CENPT: variants seen among roughly 807,000 people sequenced by gnomAD.
CENPT encodes the protein centromere protein T, also known as interphase centromere complex protein 22.
In CENPT, 42 loss-of-function variants were observed where a neutral mutation model predicts 59.7. That is an observed-to-expected ratio of 0.70 (90% CI 0.55 to 0.91). The LOEUF is 0.91. Ranked by LOEUF, CENPT falls within the 40% of genes least tolerant of loss-of-function variation. CENPT has a pLI of 0.00. For missense variants in CENPT, 716 were observed against 713.4 expected (o/e 1.00, Z -0.04); for synonymous variants, 295 against 289.6 (o/e 1.02, Z -0.19).
At chr16:67,835,770 T>C (rs930257776) in intron 1 of CENPT, 112 bp from the exon 2 acceptor site, 4 of 152,240 alleles carry the variant, frequency 2.6e-5, no homozygotes, top group African/African-American at 9.6e-5. Context: ...ATCTGTGTTA[T>C]CTGACTCAAT....
In CENPT at chr16:67,829,506, C is replaced by T; in HGVS notation, c.1197G>A (p.Glu399=). 1 of 1,596,192 alleles carries T rather than the reference C, an allele frequency of 6.3e-7. No homozygotes were observed. Among genetic ancestry groups the T allele is most frequent in the East Asian group, 2.2e-5 (1 of 44,798 alleles). ...GAGACTCAGGGGTGCTGGAGGCCGA[C>T]TCTGGACTTGCTACAAAGAAGAAGG... is the stretch of plus-strand genomic sequence containing the variant. ...EDASGRAASP[E]SASSTPESLQ... The change falls in exon 13 of 16, where the codon GAG becomes GAA. Residue 399 remains glutamate (E), a synonymous_variant. Transcript: ENST00000562787.
At chr16:67,835,744 GTCATTTAGA>G (rs1457049571) in intron 1 of CENPT, 86 bp from the exon 2 acceptor site, 1 of 152,046 alleles carries the variant, frequency 6.6e-6, no homozygotes, top group Admixed American at 6.6e-5. Flanking sequence ...GATATTCCTT[GTCATTTAGA>G]TCTGATATCT....
rs1351648795 is a variant in CENPT, at chr16:67,841,022, T to C, written c.-491-5364A>G. 9.9e-4 allele frequency among the ~76,000 whole-genome samples: 132 copies of C among 133,838 alleles called. 4 individuals are homozygous for C. The highest frequency in any genetic ancestry group is 2.8e-3 in the African/African-American group (97 of 34,146). 87.8% of individuals were successfully genotyped at this position (133,838 alleles called of 152,430 possible). On this transcript the variant is annotated intron_variant, in intron 1 of 15. Coordinates refer to ENST00000562787, the MANE Select transcript of CENPT (RefSeq NM_025082.4). ...TAAATACAAAATACATATATATATA[T>C]ATATATATATATATATATATATATT...
chr16:67,829,131 C>T, intron 13 of CENPT: 1 of 517,180 alleles, frequency 1.9e-6, no homozygotes, highest in Non-Finnish European at 3.4e-6. Flanking sequence ...AATGGATAGT[C>T]TCTCTCCTTA....
intron 1 of CENPT, among the ~76,000 whole-genome samples, chr16:67,846,260 A>G (rs1229359266): frequency 6.6e-6 from 1 of 152,236 alleles, no homozygotes; most frequent in African/African-American, 2.4e-5. Flanking sequence ...CTGCAAAAAA[A>G]CCTTACAGAA....
At chr16:67,830,613 A>G (rs972025671) in intron 10 of CENPT, 65 bp from the exon 11 acceptor site, 2 of 1,545,130 alleles carry the variant, frequency 1.3e-6, no homozygotes, top group African/African-American at 2.7e-5. Context: ...GCTGGCTCTC[A>G]GCGTATTCCA....
intron 3 of CENPT, among the ~76,000 whole-genome samples, chr16:67,834,394 G>T (rs942047236): frequency 6.6e-6 from 1 of 152,182 alleles, no homozygotes; most frequent in Non-Finnish European, 1.5e-5. Flanking sequence ...GATAGCTTGA[G>T]CTCAGGAGTT....
chr16:67,840,271 T>G (rs191115685), intron 1 of CENPT, among the ~76,000 whole-genome samples: 1 of 152,122 alleles, frequency 6.6e-6, no homozygotes, highest in Non-Finnish European at 1.5e-5. Flanking sequence ...TGAGCTGAGA[T>G]CGCGCCACTG....
rs924282183 is a variant in CENPT, at chr16:67,841,100, C to A, written c.-491-5442G>T. 1.0e-4 allele frequency among the ~76,000 whole-genome samples: 13 copies of A among 128,416 alleles called. No homozygotes were observed. In the East Asian group the frequency reaches 2.6e-3, roughly 26 times the overall value. The allele number at this position is 128,416 out of a possible 152,430, so 84.2% of individuals were successfully genotyped here. A position where few individuals can be genotyped will look rare whatever the true frequency, so the allele number is the denominator to read the frequency against. On this transcript the variant is annotated intron_variant, in intron 1 of 15. Coordinates refer to ENST00000562787, the MANE Select transcript of CENPT (RefSeq NM_025082.4). ...GTCCCAGCTACTCCGGAGGCTGAGGCAGGAGAATTGCTTGAACCCAGGAGG... is the reference window on the plus strand; with the variant it reads ...GTCCCAGCTACTCCGGAGGCTGAGGAAGGAGAATTGCTTGAACCCAGGAGG...
At chr16:67,832,883 C>T (rs1354038775) in intron 4 of CENPT, among the ~76,000 whole-genome samples, 1 of 152,152 alleles carries the variant, frequency 6.6e-6, no homozygotes, top group Non-Finnish European at 1.5e-5. Context: ...GCATCCACCC[C>T]AGACATGAAA....
chr16:67,830,012 G>A lies in CENPT; in HGVS notation c.939C>T (p.Thr313=). 7 of 1,614,202 alleles carry A rather than the reference G, an allele frequency of 4.3e-6. No homozygotes were observed. Among genetic ancestry groups the A allele is most frequent in the Non-Finnish European group, 5.9e-6 (7 of 1,180,020 alleles). ...VNAFALGFLS[T]SSGVSGEDEV... is the part of the protein sequence containing the mutation. ...CATCTTCTCCAGAGACACCACTGCT[G>A]GTGCTCAGGAAGCCCAGAGCAAAGG... is the stretch of plus-strand genomic sequence containing the variant. The change falls in exon 12 of 16, where the codon ACC becomes ACT. Residue 313 remains threonine (T), a synonymous_variant. Coordinates refer to ENST00000562787, the MANE Select transcript of CENPT (RefSeq NM_025082.4).
In CENPT at chr16:67,829,979, C is replaced by T. The variant is rs375129175; in HGVS notation, c.972G>A (p.Glu324=). ...CCTCTTCAACTCCATCGTGTAAGGG[C>T]TCTACTTCATCTTCTCCAGAGACAC... The part of the protein sequence containing the change: ...SSGVSGEDEV[E]PLHDGVEEAE... Residue 324 remains glutamate (E), a synonymous_variant, in exon 12 of 16, where the codon GAG becomes GAA. Transcript: ENST00000562787. 20 of 1,614,242 alleles carry T rather than the reference C, an allele frequency of 1.2e-5. No homozygotes were observed. The South Asian group carries it at 1.9e-4, about 15-fold the overall frequency.
intron 1 of CENPT, among the ~76,000 whole-genome samples, chr16:67,841,191 T>TAA (rs1837359460): frequency 4.3e-5 from 1 of 23,242 alleles, no homozygotes; most frequent in South Asian, 1.5e-3. Flanking sequence ...GAGACTCCTT[T>TAA]ACAAAAAAAA....
At chr16:67,828,634 T>C in intron 14 of CENPT, 33 bp downstream of exon 14, 3 of 1,613,616 alleles carry the variant, frequency 1.9e-6, no homozygotes, top group Non-Finnish European at 2.5e-6. Context: ...ACCCGAGGGG[T>C]TCCTCTCCCT....
In CENPT at chr16:67,842,535, C is replaced by A; in HGVS notation, c.-492+4866G>T. 6.7e-7 allele frequency: 1 copy of A among 1,490,184 alleles called. No homozygotes were observed. Among genetic ancestry groups the A allele is most frequent in the Non-Finnish European group, 9.0e-7 (1 of 1,117,216 alleles). The allele number at this position is 1,490,184 out of a possible 1,614,324, so 92.3% of individuals were successfully genotyped here. On this transcript the variant is annotated intron_variant, in intron 1 of 15. Transcript: ENST00000562787. This position sits in a 1 kb window ranked among gnomAD's most constrained non-coding sequence, Gnocchi z 4.9. ...GAGCGCAGGAGGCCGGTGGGCCGGG[C>A]CGGGCCGCGCGGCGCAGCCATGCCT...
At chr16:67,846,215 A>G (rs541874849) in intron 1 of CENPT, among the ~76,000 whole-genome samples, 2 of 152,380 alleles carry the variant, frequency 1.3e-5, no homozygotes, top group African/African-American at 4.8e-5. Context: ...CTCTTTCCTC[A>G]TTAATAAAAA....
At position 67,828,824 on chromosome 16, in the gene CENPT, C is replaced by G; in HGVS notation, c.1300G>C (p.Glu434Gln). ...GGGGGATGCCTGACCAACAGAGGCT[C>G]TGCAGGCTCTGAAGATAAGCTGAGG... ...GAAVLSSEPA[E>Q]PLLVRHPPRP... Residue 434 changes from glutamate to glutamine, a missense_variant, in exon 14 of 16, where the codon GAG becomes CAG. Coordinates refer to ENST00000562787, the MANE Select transcript of CENPT (RefSeq NM_025082.4). 1 of 1,584,806 alleles carries G rather than the reference C, an allele frequency of 6.3e-7. No homozygotes were observed. The highest frequency in any genetic ancestry group is 1.2e-5 in the South Asian group (1 of 86,060).
At chr16:67,830,295 C>A in intron 11 of CENPT, 95 bp downstream of exon 11, 1 of 1,480,084 alleles carries the variant, frequency 6.8e-7, no homozygotes, top group South Asian at 1.3e-5. Context: ...CCAGGGTGCT[C>A]TAGGGGCACA....
At chr16:67,845,218 G>C (rs369960262) in intron 1 of CENPT, among the ~76,000 whole-genome samples, 6 of 152,202 alleles carry the variant, frequency 3.9e-5, no homozygotes, top group African/African-American at 1.4e-4. Context: ...ACTGTGGGTG[G>C]TGGGGCACAA....
Sources: allele counts gnomAD v4.1 joint callset (sites outside exome capture counted in the v4.1 genomes callset), GRCh38; gene constraint gnomAD v4.1.1; non-coding constraint Gnocchi (gnomAD v3.1); transcripts MANE v1.5; gene names NCBI Gene and HGNC (gene_info 2026-07-23, HGNC 2026-07-21).